KCNK9: variants seen among roughly 807,000 people sequenced by gnomAD.
KCNK9 encodes the protein potassium channel subfamily K member 9.
In KCNK9, 1 loss-of-function variant was observed where a neutral mutation model predicts 10.8. The observed-to-expected ratio is 0.09, with a 90% CI of 0.03 to 0.44. The LOEUF (loss-of-function observed/expected upper bound fraction) is 0.44, where lower values mean the gene tolerates loss of function less well. KCNK9 is among the 20% of genes least tolerant of loss of function. The pLI is 0.97. For missense variants in KCNK9, 303 were observed against 515.0 expected, an observed-to-expected ratio of 0.59 and a Z score of 3.98; for synonymous variants, 231 against 222.7, an observed-to-expected ratio of 1.04 and a Z score of -0.33.
intron 1 of KCNK9, among the ~76,000 whole-genome samples, chr8:139,640,036 T>C (rs1403369833): frequency 6.6e-6 from 1 of 152,120 alleles, no homozygotes; most frequent in African/African-American, 2.4e-5. Context: ...CAAGCAGCCC[T>C]GGCGAGCCAA....
At position 139,618,856 on chromosome 8, in the gene KCNK9, G is replaced by A. The variant is rs866795921; in HGVS notation, c.527C>T (p.Ala176Val). ...SCMGTLCIGA[A>V]AFSQCEEWSF... is the part of the protein sequence containing the mutation. ...CCACTCCTCACACTGGGAGAAGGCGGCCGCCCCGATGCACAGCGTCCCCAT... is the reference window on the plus strand; with the variant it reads ...CCACTCCTCACACTGGGAGAAGGCGACCGCCCCGATGCACAGCGTCCCCAT... The change falls in exon 2 of 2, where the codon GCC becomes GTC. Residue 176 changes from alanine (A) to valine (V), a missense_variant. Physicochemically the swap from Ala to Val is moderately conservative, Grantham distance 64 (BLOSUM62 0). Coordinates refer to ENST00000520439, the MANE Select transcript of KCNK9 (RefSeq NM_001282534.2). The surrounding 1 kb of genome is among the most constrained non-coding windows in gnomAD (Gnocchi z 7.9). 6.2e-7 allele frequency: 1 copy of A among 1,614,220 alleles called. No homozygotes were observed.
chr8:139,618,738 C>A lies in KCNK9; in HGVS notation c.645G>T (p.Gln215His). The A allele has an allele frequency of 6.2e-7, 1 of 1,614,212 alleles. No homozygotes were observed. Among genetic ancestry groups the A allele is most frequent in the Non-Finnish European group, 8.5e-7 (1 of 1,180,036 alleles). ...TAAAGGCCACGTAGAGCGGCTTCTT[C>A]TGCAGGGCACCCTTGGTCTGCAGGG... is the stretch of plus-strand genomic sequence containing the variant. ...YVALQTKGAL[Q>H]KKPLYVAFSF... Residue 215 changes from glutamine (Q) to histidine (H), a missense_variant, in exon 2 of 2, where the codon CAG (glutamine) becomes CAT (histidine). Transcript: ENST00000520439. This position sits in a 1 kb window ranked among gnomAD's most constrained non-coding sequence, Gnocchi z 7.9.
chr8:139,619,669 C>T (rs1294046907), intron 1 of KCNK9, among the ~76,000 whole-genome samples: 1 of 152,188 alleles, frequency 6.6e-6, no homozygotes, highest in African/African-American at 2.4e-5. Flanking sequence ...TCCAACCCCA[C>T]TGACAAGAAA....
chr8:139,661,317 G>A (rs113891276), intron 1 of KCNK9, among the ~76,000 whole-genome samples: 117 of 152,306 alleles, frequency 7.7e-4, no homozygotes, highest in African/African-American at 2.3e-3. Flanking sequence ...CCAACTCAGC[G>A]CTTTGGGACA....
intron 1 of KCNK9, among the ~76,000 whole-genome samples, chr8:139,671,283 C>T (rs1459908201): frequency 6.6e-6 from 1 of 152,194 alleles, no homozygotes; most frequent in African/African-American, 2.4e-5. Flanking sequence ...CCATCACTCA[C>T]TGATGCACCC....
At chr8:139,694,056 G>A (rs1424602893) in intron 1 of KCNK9, among the ~76,000 whole-genome samples, 2 of 152,168 alleles carry the variant, frequency 1.3e-5, no homozygotes, top group Admixed American at 6.5e-5. Flanking sequence ...CCATTGGATG[G>A]TAGGAGCTTT....
At chr8:139,622,529 C>A (rs1814822251) in intron 1 of KCNK9, among the ~76,000 whole-genome samples, 1 of 152,210 alleles carries the variant, frequency 6.6e-6, no homozygotes, top group African/African-American at 2.4e-5. Context: ...GGGCTTACAG[C>A]AGCTACTCTC....
At chr8:139,631,506 G>A (rs1815169907) in intron 1 of KCNK9, among the ~76,000 whole-genome samples, 1 of 152,206 alleles carries the variant, frequency 6.6e-6, no homozygotes, top group Non-Finnish European at 1.5e-5. Flanking sequence ...CCTGGCTGCA[G>A]GCTGGGCGCC....
At chr8:139,677,617 G>A (rs1168861575) in intron 1 of KCNK9, among the ~76,000 whole-genome samples, 2 of 152,194 alleles carry the variant, frequency 1.3e-5, no homozygotes, top group African/African-American at 4.8e-5. Flanking sequence ...CAGCTGCAGA[G>A]TAATACCATG....
chr8:139,690,712 G>T (rs1816918536), intron 1 of KCNK9, among the ~76,000 whole-genome samples: 1 of 152,158 alleles, frequency 6.6e-6, no homozygotes, highest in Non-Finnish European at 1.5e-5. Flanking sequence ...GGCTGTGGGT[G>T]TAATGGAGAC....
At chr8:139,666,144 G>A (rs535007402) in intron 1 of KCNK9, among the ~76,000 whole-genome samples, 1 of 152,326 alleles carries the variant, frequency 6.6e-6, no homozygotes, top group South Asian at 2.1e-4. Flanking sequence ...GTTCTAAGCA[G>A]GAGAGAACTG....
At chr8:139,609,240 C>T (rs996659375), downstream of KCNK9, among the ~76,000 whole-genome samples, 1 of 75,410 alleles carries the variant, frequency 1.3e-5, no homozygotes, top group Admixed American at 1.2e-4. Context: ...GGTGCTCTGC[C>T]CCCCCACCCC....
At chr8:139,645,744 C>T (rs1177884602) in intron 1 of KCNK9, among the ~76,000 whole-genome samples, 1 of 152,170 alleles carries the variant, frequency 6.6e-6, no homozygotes, top group African/African-American at 2.4e-5. Context: ...AGCCATCCAT[C>T]CTGAGCACCT....
rs568348890 is a variant in KCNK9, at chr8:139,621,532, G to A, written c.284-2433C>T. ...AGAGGCCAGGAAGCAGTGGAAGCAC[G>A]GCTGTAAAGAACTAAGACTGCTCAC... On this transcript the variant is annotated intron_variant, in intron 1 of 1. Coordinates refer to ENST00000520439, the MANE Select transcript of KCNK9 (RefSeq NM_001282534.2). 1.6e-3 allele frequency among the ~76,000 whole-genome samples: 250 copies of A among 152,212 alleles called. 2 individuals are homozygous for A. Among genetic ancestry groups the A allele is most frequent in the African/African-American group, 5.6e-3 (231 of 41,522 alleles).
At chr8:139,661,202 C>T (rs561924128) in intron 1 of KCNK9, among the ~76,000 whole-genome samples, 7 of 152,208 alleles carry the variant, frequency 4.6e-5, no homozygotes, top group South Asian at 2.1e-4. Context: ...ATACTGAAGA[C>T]GCTGAGTTGG....
intron 1 of KCNK9, among the ~76,000 whole-genome samples, chr8:139,646,116 T>C (rs1815668576): frequency 6.6e-6 from 1 of 151,972 alleles, no homozygotes. Flanking sequence ...CTTGTCAAGT[T>C]GGAACTGGAT....
intron 1 of KCNK9, among the ~76,000 whole-genome samples, chr8:139,700,516 G>A (rs13261446): frequency 3.6e-4 from 49 of 137,880 alleles, no homozygotes; most frequent in Non-Finnish European, 5.6e-4. Context: ...ACACGCGCGC[G>A]CGCGCACACA....
chr8:139,664,474 T>C (rs1383282812), intron 1 of KCNK9, among the ~76,000 whole-genome samples: 1 of 151,976 alleles, frequency 6.6e-6, no homozygotes, highest in African/African-American at 2.4e-5. Flanking sequence ...TTTCAAGCTA[T>C]GTCCAGCTTC....
chr8:139,679,041 C>G (rs77514446), intron 1 of KCNK9, among the ~76,000 whole-genome samples: 1 of 152,160 alleles, frequency 6.6e-6, no homozygotes, highest in Non-Finnish European at 1.5e-5. Flanking sequence ...TTTTTTTTAA[C>G]AGCCCACTTC....
Sources: gnomAD v4.1 joint callset for allele counts (sites outside exome capture counted in the v4.1 genomes callset) on GRCh38, gnomAD v4.1.1 for gene constraint, Gnocchi (gnomAD v3.1) non-coding constraint, MANE v1.5 for transcripts, NCBI Gene and HGNC (gene_info 2026-07-23, HGNC 2026-07-21) for gene names.